The following GSE1 variants were observed in gnomAD, a reference collection of about 807,000 sequenced individuals.
GSE1 encodes genetic suppressor element 1.
A neutral mutation model predicts 112.6 loss-of-function variants in GSE1; 32 were observed. That is an observed-to-expected ratio of 0.28 (90% CI 0.21 to 0.38). The LOEUF is 0.38. Ranked by LOEUF, GSE1 falls within the 10% of genes least tolerant of loss-of-function variation. The pLI, the probability that GSE1 is intolerant of heterozygous loss-of-function variation, is 1.00. For missense variants in GSE1, 2,348 were observed against 1,699.2 expected (o/e 1.38, Z -6.71); for synonymous variants, 1,115 against 735.6 (o/e 1.52, Z -8.35).
chr16:85,319,022 A>G (rs2151495265), intron 1 of GSE1, among the ~76,000 whole-genome samples: 1 of 152,300 alleles, frequency 6.6e-6, no homozygotes, highest in South Asian at 2.1e-4. Context: ...TCCTTTGGAA[A>G]GCGAGCATCA....
intron 2 of GSE1, among the ~76,000 whole-genome samples, chr16:85,382,576 C>T (rs966964097): frequency 1.1e-4 from 17 of 152,246 alleles, no homozygotes; most frequent in Admixed American, 4.6e-4. Context: ...TGCCTGTGCC[C>T]GGGCTCGGAG....
At chr16:85,401,433 G>A (rs1039722438) in intron 2 of GSE1, among the ~76,000 whole-genome samples, 9 of 152,166 alleles carry the variant, frequency 5.9e-5, no homozygotes, top group Non-Finnish European at 1.3e-4. Context: ...ACCGGAGCTC[G>A]GGGGCTCTGG....
chr16:85,395,163 C>G (rs531938006), intron 2 of GSE1, among the ~76,000 whole-genome samples: 1 of 152,192 alleles, frequency 6.6e-6, no homozygotes, highest in East Asian at 1.9e-4. Context: ...CTGGGGTAGG[C>G]CTTGCATGCC....
intron 2 of GSE1, among the ~76,000 whole-genome samples, chr16:85,460,007 G>A (rs576603225): frequency 6.6e-6 from 1 of 152,172 alleles, no homozygotes; most frequent in Non-Finnish European, 1.5e-5. Flanking sequence ...CTGTGATCCT[G>A]TCCTTCTGCT....
chr16:85,444,802 A>G (rs774514412), intron 2 of GSE1, among the ~76,000 whole-genome samples: 2 of 152,038 alleles, frequency 1.3e-5, no homozygotes, highest in Non-Finnish European at 2.9e-5. Flanking sequence ...CCCCTGCCCC[A>G]GTCCCTCTCC....
At chr16:85,261,759 A>G (rs1423926174) in intron 1 of GSE1, among the ~76,000 whole-genome samples, 1 of 152,180 alleles carries the variant, frequency 6.6e-6, no homozygotes, top group Non-Finnish European at 1.5e-5. Flanking sequence ...AGCACTTTGT[A>G]TGCCAGAGCC....
chr16:85,404,315 A>G (rs2048203673), intron 2 of GSE1, among the ~76,000 whole-genome samples: 1 of 61,430 alleles, frequency 1.6e-5, no homozygotes, highest in Non-Finnish European at 3.0e-5. Flanking sequence ...GATAATCCTC[A>G]CTCTTACACT....
chr16:85,172,410 G>C (rs376793871), intron 1 of GSE1, among the ~76,000 whole-genome samples: 10 of 152,334 alleles, frequency 6.6e-5, no homozygotes, highest in Admixed American at 3.3e-4. Context: ...TTCCCCCAGC[G>C]GGAAGAGAGT....
chr16:85,323,106 C>G (rs545971549), intron 1 of GSE1, among the ~76,000 whole-genome samples: 5 of 151,934 alleles, frequency 3.3e-5, no homozygotes, highest in African/African-American at 4.8e-5. Flanking sequence ...TGTTTCTGAC[C>G]GTTTGTGGTT....
intron 1 of GSE1, among the ~76,000 whole-genome samples, chr16:85,201,279 C>G (rs1475950164): frequency 6.6e-6 from 1 of 151,564 alleles, no homozygotes; most frequent in South Asian, 2.1e-4. Flanking sequence ...CTGTGTTGCT[C>G]AGGCTGAGTT....
At chr16:85,378,240 A>C (rs2047466601) in intron 2 of GSE1, among the ~76,000 whole-genome samples, 1 of 151,758 alleles carries the variant, frequency 6.6e-6, no homozygotes, top group South Asian at 2.1e-4. Context: ...CCCCTCTGGG[A>C]CTCTGTGATG....
At chr16:85,640,438 G>T (rs2050346317) in intron 2 of GSE1, among the ~76,000 whole-genome samples, 1 of 152,230 alleles carries the variant, frequency 6.6e-6, no homozygotes, top group African/African-American at 2.4e-5. Context: ...TGTCATCGAG[G>T]CCCGCGGGGC....
At chr16:85,402,435 G>C (rs1226293593) in intron 2 of GSE1, among the ~76,000 whole-genome samples, 7 of 152,194 alleles carry the variant, frequency 4.6e-5, no homozygotes, top group Admixed American at 4.6e-4. Context: ...GAATAGGGAA[G>C]GTCATGGTGG....
chr16:85,206,609 C>T (rs1426680806), intron 1 of GSE1, among the ~76,000 whole-genome samples: 2 of 152,148 alleles, frequency 1.3e-5, no homozygotes, highest in African/African-American at 4.8e-5. Flanking sequence ...GGGCCAAGGC[C>T]GGGGGGCCCC....
At chr16:85,654,029 A>C (rs972785458) in intron 3 of GSE1, among the ~76,000 whole-genome samples, 2 of 152,028 alleles carry the variant, frequency 1.3e-5, no homozygotes, top group African/African-American at 2.4e-5. Context: ...TGGACTGAGG[A>C]GGCCCAGGGA....
intron 2 of GSE1, among the ~76,000 whole-genome samples, chr16:85,488,282 A>G (rs1159554032): frequency 2.0e-5 from 3 of 151,974 alleles, no homozygotes; most frequent in African/African-American, 7.3e-5. Flanking sequence ...TTCTCCACTT[A>G]ATTCAGCTTG....
At chr16:85,352,303 A>G (rs562660645) in intron 1 of GSE1, among the ~76,000 whole-genome samples, 19 of 152,272 alleles carry the variant, frequency 1.2e-4, no homozygotes, top group Admixed American at 6.5e-4. Flanking sequence ...GAACCCTATT[A>G]AATTTCCCCC....
intron 1 of GSE1, among the ~76,000 whole-genome samples, chr16:85,614,036 G>T (rs917408298): frequency 2.6e-5 from 4 of 151,508 alleles, no homozygotes; most frequent in Non-Finnish European, 4.4e-5. Flanking sequence ...GGGCTCGGCC[G>T]CTTCTCTCCT....
chr16:85,358,243 C>T (rs1170943133), intron 2 of GSE1, among the ~76,000 whole-genome samples: 1 of 152,192 alleles, frequency 6.6e-6, no homozygotes, highest in East Asian at 1.9e-4. Context: ...TGGTTAATCG[C>T]CGTGTGTGGA....
Sources: allele counts gnomAD v4.1 joint callset (sites outside exome capture counted in the v4.1 genomes callset), GRCh38; gene constraint gnomAD v4.1.1; transcripts MANE v1.5; gene names NCBI Gene and HGNC (gene_info 2026-07-23, HGNC 2026-07-21).